Variants in TOX3 observed in about 807,000 individuals in gnomAD.
TOX3 encodes the protein CAG trinucleotide repeat-containing gene F9 protein.
In TOX3, 22 loss-of-function variants were observed where a neutral mutation model predicts 64.3. The observed-to-expected ratio is 0.34, with a 90% confidence interval of 0.24 to 0.49. The LOEUF (loss-of-function observed/expected upper bound fraction) is 0.49. TOX3 is among the 20% of genes least tolerant of loss of function. The probability of loss-of-function intolerance (pLI) is 0.99; values close to 1 mark genes in which losing one functional copy is unlikely to be tolerated. For synonymous variants in TOX3, 291 were observed against 273.6 expected, an observed-to-expected ratio of 1.06 and a Z score of -0.63; for missense variants, 661 against 714.4, an observed-to-expected ratio of 0.93 and a Z score of 0.85.
chr16:52,530,819 C>T (rs1962835791), intron 1 of TOX3, among the ~76,000 whole-genome samples: 1 of 152,184 alleles, frequency 6.6e-6, no homozygotes, highest in Admixed American at 6.5e-5. Flanking sequence ...TTTAACTTGA[C>T]TACGTTTTCC....
intron 1 of TOX3, among the ~76,000 whole-genome samples, chr16:52,543,254 AG>A (rs1963112467): frequency 6.6e-6 from 1 of 152,168 alleles, no homozygotes; most frequent in African/African-American, 2.4e-5. Flanking sequence ...TTTCAGATTT[AG>A]GGGTTCTTTG....
chr16:52,450,051 T>A (rs1960286547), intron 4 of TOX3, among the ~76,000 whole-genome samples: 3 of 152,240 alleles, frequency 2.0e-5, no homozygotes, highest in Non-Finnish European at 4.4e-5. Context: ...ACATGTCCAA[T>A]GCCTTACAGC....
At chr16:52,490,626 A>ATTTTTTTTTTTTTTTT (rs3086679) in intron 1 of TOX3, among the ~76,000 whole-genome samples, 15 of 99,048 alleles carry the variant, frequency 1.5e-4, no homozygotes, top group East Asian at 1.2e-3. Flanking sequence ...CTAGGATGTA[A>ATTTTTTTTTTTTTTTT]TTTTTTTTTT....
intron 1 of TOX3, among the ~76,000 whole-genome samples, chr16:52,517,202 A>C (rs1962482782): frequency 6.6e-6 from 1 of 152,144 alleles, no homozygotes; most frequent in Non-Finnish European, 1.5e-5. Context: ...GAATTGGGGG[A>C]ATTTCAGAGA....
intron 1 of TOX3, among the ~76,000 whole-genome samples, chr16:52,474,454 T>C (rs1961146910): frequency 6.6e-6 from 1 of 151,668 alleles, no homozygotes; most frequent in Admixed American, 6.6e-5. Flanking sequence ...AGACCCCATC[T>C]CTACTAAAAA....
intron 3 of TOX3, among the ~76,000 whole-genome samples, chr16:52,454,177 T>C (rs1298985964): frequency 6.6e-6 from 1 of 152,110 alleles, no homozygotes; most frequent in Non-Finnish European, 1.5e-5. Context: ...TCATCCCCCT[T>C]TAACAAAATC....
chr16:52,469,758 C>T (rs1960985518), intron 1 of TOX3, among the ~76,000 whole-genome samples: 1 of 152,130 alleles, frequency 6.6e-6, no homozygotes, highest in Admixed American at 6.5e-5. Flanking sequence ...ATGGAAGACT[C>T]ATATAATCCT....
In TOX3 at chr16:52,444,234, C is replaced by CTGTGACTATTT. The variant is rs765257803; in HGVS notation, c.987+31_987+41dup. On this transcript the variant is annotated intron_variant, in intron 6 of 6. Transcript: ENST00000219746. ...CAATGCTTGAGGGCTGTTTTCCACG[C>CTGTGACTATTT]TGTGACTATTTTGGAGCCTGGCCGC... 1.3e-5 allele frequency: 19 copies of CTGTGACTATTT among 1,466,340 alleles called. No homozygotes were observed. The African/African-American group carries it at 2.1e-4, about 16-fold the overall frequency. The allele number at this position is 1,466,340 out of a possible 1,614,324, so 90.8% of individuals were successfully genotyped here.
intron 3 of TOX3, among the ~76,000 whole-genome samples, chr16:52,454,815 C>A (rs541234906): frequency 7.0e-4 from 107 of 152,248 alleles, no homozygotes; most frequent in African/African-American, 2.6e-3. Context: ...ACACATTAAA[C>A]AAAATCCTGA....
chr16:52,443,140 ATTCAC>A (rs1309552561), intron 6 of TOX3, among the ~76,000 whole-genome samples: 1 of 152,206 alleles, frequency 6.6e-6, no homozygotes, highest in African/African-American at 2.4e-5. Context: ...CTGTTACTCT[ATTCAC>A]TTCACTCCAT....
chr16:52,440,579 C>T (rs78203129), intron 6 of TOX3, among the ~76,000 whole-genome samples: 2 of 152,194 alleles, frequency 1.3e-5, no homozygotes, highest in Non-Finnish European at 2.9e-5. Context: ...TAAGTCTGTA[C>T]TAACGACTTT....
chr16:52,477,577 C>A (rs529392454), intron 1 of TOX3, among the ~76,000 whole-genome samples: 18 of 152,252 alleles, frequency 1.2e-4, no homozygotes, highest in African/African-American at 4.3e-4. Context: ...CTTTGAATTC[C>A]AATCCTAGCA....
intron 2 of TOX3, among the ~76,000 whole-genome samples, chr16:52,467,900 A>C (rs1217317590): frequency 6.6e-6 from 1 of 152,182 alleles, no homozygotes; most frequent in Non-Finnish European, 1.5e-5. Flanking sequence ...CAGTTTCCCC[A>C]GCTGTGACCA....
intron 3 of TOX3, among the ~76,000 whole-genome samples, chr16:52,457,059 G>A (rs975981792): frequency 1.3e-5 from 2 of 152,188 alleles, no homozygotes; most frequent in African/African-American, 4.8e-5. Context: ...TATGAGAAGA[G>A]AATGGATAAA....
chr16:52,443,567 A>G (rs1444566980), intron 6 of TOX3, among the ~76,000 whole-genome samples: 2 of 152,200 alleles, frequency 1.3e-5, no homozygotes, highest in Non-Finnish European at 2.9e-5. Context: ...GTCAGAAAAA[A>G]TTTGTCTAGA....
chr16:52,532,870 G>T (rs995811104), intron 1 of TOX3, among the ~76,000 whole-genome samples: 1 of 152,152 alleles, frequency 6.6e-6, no homozygotes, highest in Non-Finnish European at 1.5e-5. Context: ...GGATAAAAGT[G>T]GGGGTAGGAG....
At chr16:52,452,308 A>G (rs966909618) in intron 3 of TOX3, among the ~76,000 whole-genome samples, 1 of 152,186 alleles carries the variant, frequency 6.6e-6, no homozygotes, top group Non-Finnish European at 1.5e-5. Flanking sequence ...ACATTGTTCA[A>G]TTCCCACCTA....
intron 1 of TOX3, among the ~76,000 whole-genome samples, chr16:52,539,500 A>G (rs1005006265): frequency 6.6e-6 from 1 of 152,216 alleles, no homozygotes; most frequent in African/African-American, 2.4e-5. Context: ...TCTGTTTCAC[A>G]TGTTACTTCC....
At chr16:52,471,824 G>C (rs1442278600) in intron 1 of TOX3, among the ~76,000 whole-genome samples, 1 of 152,176 alleles carries the variant, frequency 6.6e-6, no homozygotes, top group African/African-American at 2.4e-5. Context: ...CACCCAGTAA[G>C]ATAATTATCA....
Sources: gnomAD v4.1 joint callset for allele counts (sites outside exome capture counted in the v4.1 genomes callset) on GRCh38, gnomAD v4.1.1 for gene constraint, MANE v1.5 for transcripts, NCBI Gene and HGNC (gene_info 2026-07-23, HGNC 2026-07-21) for gene names.